PPP2R2B: variants seen among roughly 807,000 people sequenced by gnomAD.
PPP2R2B encodes serine/threonine-protein phosphatase 2A 55 kDa regulatory subunit B beta isoform.
Under a neutral mutation model 46.0 loss-of-function variants are expected in PPP2R2B, and 5 were observed. The ratio of observed to expected loss-of-function variants is 0.11; its 90% CI spans 0.06 to 0.23. The LOEUF is 0.23. PPP2R2B is among the 10% of genes least tolerant of loss of function. PPP2R2B has a pLI of 1.00. For missense variants in PPP2R2B, 367 were observed against 575.0 expected, an observed-to-expected ratio of 0.64 and a Z score of 3.70; for synonymous variants, 215 against 206.7, an observed-to-expected ratio of 1.04 and a Z score of -0.34.
In PPP2R2B at chr5:146,861,047, A is replaced by ATT. The variant is rs869248861; in HGVS notation, c.70+16953_70+16954dup. ...ACTCCTCTTCCAGCATTCAAACTGAATTTTTTCTTTTTTTTTTTTTTTTTT... is the reference window on the plus strand; with the variant it reads ...ACTCCTCTTCCAGCATTCAAACTGAATTTTTTTTCTTTTTTTTTTTTTTTTTT... On this transcript the variant is annotated intron_variant, in intron 2 of 9. Transcript: ENST00000394411. Among the ~76,000 whole-genome samples, 837 of 132,046 alleles carry ATT rather than the reference A, an allele frequency of 6.3e-3. 27 individuals carry two copies. The highest frequency in any genetic ancestry group is 0.013 in the African/African-American group (423 of 33,606). 86.6% of individuals were successfully genotyped at this position (132,046 alleles called of 152,430 possible).
At chr5:146,968,750 A>T (rs1752544152) in intron 1 of PPP2R2B, among the ~76,000 whole-genome samples, 1 of 152,248 alleles carries the variant, frequency 6.6e-6, no homozygotes, top group Non-Finnish European at 1.5e-5. Flanking sequence ...GCCAATCTTC[A>T]TGTGCAAATA....
intron 1 of PPP2R2B, among the ~76,000 whole-genome samples, chr5:147,029,335 C>G (rs1395920706): frequency 6.6e-6 from 1 of 152,086 alleles, no homozygotes; most frequent in East Asian, 1.9e-4. Context: ...GTGGTAGGGA[C>G]CAAGATTATT....
At chr5:146,934,583 GAAAAAAAAAA>G (rs3062352) in intron 1 of PPP2R2B, among the ~76,000 whole-genome samples, 6 of 31,490 alleles carry the variant, frequency 1.9e-4, no homozygotes, top group East Asian at 9.0e-4. Context: ...TTTTTCATAA[GAAAAAAAAAA>G]AAAAAAAAAA....
intron 7 of PPP2R2B, among the ~76,000 whole-genome samples, chr5:146,609,711 C>T (rs1019324648): frequency 2.7e-5 from 4 of 146,984 alleles, no homozygotes; most frequent in Non-Finnish European, 4.5e-5. Context: ...GTTCCCTTTC[C>T]GAGTCAAAGA....
chr5:146,590,398 G>GTTTTTTTTTTTTTTTTTT (rs1221281341), intron 9 of PPP2R2B, among the ~76,000 whole-genome samples, 172 bp from the exon 10 acceptor site: 2 of 113,418 alleles, frequency 1.8e-5, no homozygotes, highest in African/African-American at 3.3e-5. Context: ...TTTTTTTTGT[G>GTTTTTTTTTTTTTTTTTT]TTTTTTTTTT....
chr5:146,937,922 G>A (rs1207941037), intron 1 of PPP2R2B, among the ~76,000 whole-genome samples: 1 of 152,084 alleles, frequency 6.6e-6, no homozygotes, highest in Non-Finnish European at 1.5e-5. Context: ...GTTTTTCTCA[G>A]CACTGTCATG....
At chr5:146,596,094 T>C (rs1339748902) in intron 8 of PPP2R2B, among the ~76,000 whole-genome samples, 1 of 152,204 alleles carries the variant, frequency 6.6e-6, no homozygotes, top group African/African-American at 2.4e-5. Flanking sequence ...AACTCTGCCA[T>C]TGTGCATGGA....
intron 2 of PPP2R2B, among the ~76,000 whole-genome samples, chr5:146,815,299 A>T (rs543477353): frequency 3.3e-5 from 5 of 152,344 alleles, no homozygotes; most frequent in Admixed American, 6.5e-5. Context: ...GGAGTTAATT[A>T]CAAAACCCGG....
chr5:146,873,981 T>A (rs1343833496), intron 2 of PPP2R2B, among the ~76,000 whole-genome samples: 3 of 152,230 alleles, frequency 2.0e-5, no homozygotes, highest in Admixed American at 6.5e-5. Context: ...TCTGGGCTTT[T>A]GTACCTATTG....
At chr5:146,627,895 A>T (rs1466283671) in intron 7 of PPP2R2B, among the ~76,000 whole-genome samples, 7 of 151,924 alleles carry the variant, frequency 4.6e-5, no homozygotes, top group Non-Finnish European at 1.0e-4. Flanking sequence ...CCTTCTTCTC[A>T]TTGGAACTCG....
At chr5:146,668,003 T>C (rs1175615533) in intron 5 of PPP2R2B, among the ~76,000 whole-genome samples, 1 of 152,190 alleles carries the variant, frequency 6.6e-6, no homozygotes, top group African/African-American at 2.4e-5. Flanking sequence ...ATATTCGTAA[T>C]CACATCCACA....
At chr5:146,832,036 G>T (rs1758973038) in intron 2 of PPP2R2B, among the ~76,000 whole-genome samples, 2 of 152,282 alleles carry the variant, frequency 1.3e-5, no homozygotes, top group South Asian at 4.2e-4. Context: ...ACATTAATGG[G>T]AAAGAGCTTA....
chr5:146,805,048 G>A (rs1714816624), intron 2 of PPP2R2B, among the ~76,000 whole-genome samples: 1 of 152,220 alleles, frequency 6.6e-6, no homozygotes, highest in South Asian at 2.1e-4. Context: ...CTCAAGCTGT[G>A]AGGTCAGATT....
chr5:146,886,446 G>A, intron 1 of PPP2R2B, among the ~76,000 whole-genome samples: 1 of 152,024 alleles, frequency 6.6e-6, no homozygotes, highest in East Asian at 1.9e-4. Context: ...CCACTGAATT[G>A]TATAGTTTAA....
chr5:146,768,232 C>T (rs532376675), intron 2 of PPP2R2B, among the ~76,000 whole-genome samples: 9 of 152,096 alleles, frequency 5.9e-5, no homozygotes, highest in Non-Finnish European at 1.0e-4. Context: ...TGCCACCATA[C>T]CCAGCTAATT....
Position 146,586,216 on chromosome 5 carries a change from G to A in PPP2R2B, c.*3731C>T, listed in dbSNP as rs919072290. On this transcript the variant is annotated 3_prime_UTR_variant, in exon 10 of 10. Coordinates refer to ENST00000394411, the MANE Select transcript of PPP2R2B (RefSeq NM_181675.4). ...GTCCAAAGACTGTGTCAGGGGATTT[G>A]TTTTGGAAGTGGGGTGGCATTATTA... The A allele has an allele frequency of 1.3e-5, 2 of 152,268 alleles. No individual in the cohort carries two copies. Among genetic ancestry groups the A allele is most frequent in the African/African-American group, 4.8e-5 (2 of 41,452 alleles). The allele number at this position is 152,268 out of a possible 1,614,324, so 9.4% of individuals were successfully genotyped here.
rs60850929 is a variant in PPP2R2B at position 146,643,783 on chromosome 5, C to A, written c.626-5368G>T. 1.1e-4 allele frequency among the ~76,000 whole-genome samples: 16 copies of A among 152,188 alleles called. No individual in the cohort carries two copies. In the East Asian group the frequency reaches 2.9e-3, roughly 27 times the overall value. ...AAAGAAAAAGGCATATGGTATAATC[C>A]CAACTATATACAAAATAAAATAGTC... On this transcript the variant is annotated intron_variant, in intron 6 of 9. Transcript: ENST00000394411.
At chr5:146,625,440 G>A (rs541583745) in intron 7 of PPP2R2B, among the ~76,000 whole-genome samples, 30 of 152,172 alleles carry the variant, frequency 2.0e-4, no homozygotes, top group Non-Finnish European at 4.0e-4. Context: ...CAGATTGAAT[G>A]ACTATAGTTG....
chr5:146,875,377 T>G (rs1761837245), intron 2 of PPP2R2B, among the ~76,000 whole-genome samples: 1 of 152,112 alleles, frequency 6.6e-6, no homozygotes, highest in African/African-American at 2.4e-5. Flanking sequence ...CACCATGCAT[T>G]CTTTTGAGAA....
Sources: gnomAD v4.1 joint callset for allele counts (sites outside exome capture counted in the v4.1 genomes callset) on GRCh38, gnomAD v4.1.1 for gene constraint, MANE v1.5 for transcripts, NCBI Gene and HGNC (gene_info 2026-07-23, HGNC 2026-07-21) for gene names.